The following CHD2 variants were observed in gnomAD, a reference collection of about 807,000 sequenced individuals.
CHD2 encodes chromodomain helicase DNA binding protein 2, also known as ATP-dependent chromatin remodeler CHD2.
A neutral mutation model predicts 243.9 loss-of-function variants in CHD2; 28 were observed. The observed-to-expected ratio is 0.11, with a 90% CI of 0.09 to 0.16. The LOEUF is 0.16. Ranked by LOEUF, CHD2 falls within the 10% of genes least tolerant of loss-of-function variation. CHD2 has a pLI of 1.00. For synonymous variants in CHD2, 775 were observed against 779.0 expected, an observed-to-expected ratio of 0.99 and a Z score of 0.09; for missense variants, 1,386 against 2,209.8, an observed-to-expected ratio of 0.63 and a Z score of 7.47.
At chr15:92,929,963 A>T (rs1281922255) in intron 5 of CHD2, among the ~76,000 whole-genome samples, 6 of 152,234 alleles carry the variant, frequency 3.9e-5, no homozygotes, top group Admixed American at 3.9e-4. Flanking sequence ...GATTATTAGA[A>T]ACTATGCTAA....
At chr15:92,968,850 T>G (rs898344739) in intron 17 of CHD2, among the ~76,000 whole-genome samples, 10 of 152,224 alleles carry the variant, frequency 6.6e-5, no homozygotes, top group Non-Finnish European at 5.9e-5. Flanking sequence ...CATTTTTAGC[T>G]AGTGGGAACT....
At chr15:92,993,473 T>C (rs2054147338) in intron 28 of CHD2, among the ~76,000 whole-genome samples, 2 of 152,264 alleles carry the variant, frequency 1.3e-5, no homozygotes, top group Non-Finnish European at 2.9e-5. Flanking sequence ...GAGATTTTCA[T>C]GCCACTAGAA....
At chr15:92,904,352 A>G in intron 2 of CHD2, 2 of 742,806 alleles carry the variant, frequency 2.7e-6, no homozygotes, top group Non-Finnish European at 3.3e-6. Context: ...AGCAGGGTCA[A>G]CGGCGGCGCC....
rs367550855 is a variant in CHD2 at position 92,939,622 on chromosome 15, G to A, written c.596G>A (p.Arg199His). 50 of 1,614,052 alleles carry A rather than the reference G, an allele frequency of 3.1e-5. No individual in the cohort carries two copies. Among genetic ancestry groups the A allele is most frequent in the East Asian group, 2.0e-4 (9 of 44,900 alleles). The change falls in exon 7 of 39, where the codon CGT becomes CAT. Residue 199 changes from arginine to histidine, a missense_variant. Arg to His is a conservative substitution (Grantham distance 29). This residue lies in a region of CHD2 where 90 missense variants were observed against 78.0 expected (regional missense o/e 1.15). Transcript: ENST00000394196. Reference sequence around the variant, plus strand: ...GTTAAAAAGCAGCCGAAGACTCAGCGTGGAAAGAGAAAAAAGCAAGATTCT... The same window carrying A: ...GTTAAAAAGCAGCCGAAGACTCAGCATGGAAAGAGAAAAAAGCAAGATTCT... The part of the protein sequence containing the change: ...PRVKKQPKTQ[R>H]GKRKKQDSSD...
intron 31 of CHD2, among the ~76,000 whole-genome samples, 191 bp from the exon 32 acceptor site, chr15:93,000,321 A>G (rs1026976500): frequency 2.0e-5 from 3 of 152,060 alleles, no homozygotes; most frequent in Admixed American, 6.6e-5. Flanking sequence ...GGCCATGTAT[A>G]AGGCCTATAG....
At chr15:92,901,085 T>C in intron 1 of CHD2, 82 bp from the exon 2 acceptor site, 1 of 668,386 alleles carries the variant, frequency 1.5e-6, no homozygotes, top group Non-Finnish European at 2.7e-6. Flanking sequence ...AACAATATCG[T>C]TAACATCGTC....
chr15:92,990,294 T>C (rs1053973736), intron 26 of CHD2, among the ~76,000 whole-genome samples: 21 of 152,228 alleles, frequency 1.4e-4, no homozygotes, highest in Non-Finnish European at 2.9e-5. Flanking sequence ...TTGAAGGCTG[T>C]CATGCAGCTG....
chr15:92,967,204 T>G, intron 16 of CHD2, 121 bp from the exon 17 acceptor site: 1 of 670,398 alleles, frequency 1.5e-6, no homozygotes, highest in Non-Finnish European at 2.4e-6. Flanking sequence ...CCCTTCTATT[T>G]AAGAGCTCTA....
intron 16 of CHD2, among the ~76,000 whole-genome samples, chr15:92,966,363 C>T (rs2053763576): frequency 6.6e-6 from 1 of 152,082 alleles, no homozygotes; most frequent in Non-Finnish European, 1.5e-5. Context: ...TTCGCCCAGC[C>T]AGAGATAGTT....
At chr15:92,927,952 G>A (rs2053094517) in intron 4 of CHD2, among the ~76,000 whole-genome samples, 1 of 152,046 alleles carries the variant, frequency 6.6e-6, no homozygotes, top group Non-Finnish European at 1.5e-5. Context: ...TTCTCATTTT[G>A]TGTGATATTT....
Position 93,025,049 on chromosome 15 carries a change from TTTC to T in CHD2, c.*347_*349del. 4.0e-6 allele frequency: 1 copy of T among 251,268 alleles called. No individual in the cohort carries two copies. Among genetic ancestry groups the T allele is most frequent in the Non-Finnish European group, 7.6e-6 (1 of 131,454 alleles). 15.6% of individuals were successfully genotyped at this position (251,268 alleles called of 1,614,324 possible). A position where few individuals can be genotyped will look rare whatever the true frequency, so the allele number is the denominator to read the frequency against. ...AGGGGATCTTCAGAGTCATGAATGT[TTTC>T]TTGCCAGGGTCAGTGTTCCCAGGAC... On this transcript the variant is annotated 3_prime_UTR_variant, in exon 39 of 39. Transcript: ENST00000394196.
chr15:92,958,121 T>G (rs1008512233), intron 16 of CHD2, among the ~76,000 whole-genome samples: 2 of 152,232 alleles, frequency 1.3e-5, no homozygotes, highest in African/African-American at 4.8e-5. Context: ...GCTTAGAGAC[T>G]TAGGAATAGA....
At chr15:92,952,107 A>C (rs1193545501) in intron 13 of CHD2, among the ~76,000 whole-genome samples, 3 of 152,264 alleles carry the variant, frequency 2.0e-5, no homozygotes, top group Middle Eastern at 3.4e-3. Context: ...TTCCTGCCAA[A>C]ATGACTGTAT....
chr15:92,947,991 A>G (rs898236968), intron 12 of CHD2, among the ~76,000 whole-genome samples: 2 of 152,212 alleles, frequency 1.3e-5, no homozygotes, highest in Non-Finnish European at 2.9e-5. Context: ...AATTCACGCT[A>G]TGGACACACA....
chr15:92,937,504 G>C lies in CHD2; in HGVS notation c.444-14G>C, dbSNP rs886395076. 1 of 1,571,570 alleles carries C rather than the reference G, an allele frequency of 6.4e-7. No individual in the cohort carries two copies. Among genetic ancestry groups the C allele is most frequent in the Non-Finnish European group, 8.6e-7 (1 of 1,159,158 alleles). ...TTTTAGAAAAAAATTACTTTGTTTT[G>C]CTTTTGATCACAGAGAAAAATGGAA... On this transcript the variant is annotated splice_polypyrimidine_tract_variant and intron_variant, in intron 5 of 38. Coordinates refer to ENST00000394196, the MANE Select transcript of CHD2 (RefSeq NM_001271.4).
At chr15:92,966,866 T>C (rs10152723) in intron 16 of CHD2, among the ~76,000 whole-genome samples, 117,030 of 150,630 alleles carry the variant, frequency 0.78, 46,661 homozygotes, top group East Asian at 1. Flanking sequence ...GCTGAGATTG[T>C]GCCACTGCAT....
At chr15:93,021,551 A>T (rs1365680289) in intron 38 of CHD2, 1 of 152,196 alleles carries the variant, frequency 6.6e-6, no homozygotes, top group Admixed American at 6.6e-5. Flanking sequence ...GTTGACTTTT[A>T]AAAAATTATG....
intron 33 of CHD2, among the ~76,000 whole-genome samples, chr15:93,003,246 C>T (rs1407420968): frequency 1.4e-5 from 2 of 147,810 alleles, no homozygotes; most frequent in Non-Finnish European, 3.0e-5. Context: ...GGTTGTGTCA[C>T]ACTTCACTCC....
intron 2 of CHD2, among the ~76,000 whole-genome samples, chr15:92,911,073 CCAGT>C (rs2052725572): frequency 6.6e-6 from 1 of 152,148 alleles, no homozygotes; most frequent in Non-Finnish European, 1.5e-5. Context: ...GTATATGACA[CCAGT>C]CATTGACCTA....
Sources: gnomAD v4.1 joint callset for allele counts (sites outside exome capture counted in the v4.1 genomes callset) on GRCh38, gnomAD v4.1.1 for gene constraint, gnomAD v4.1.1 regional missense constraint, MANE v1.5 for transcripts, NCBI Gene and HGNC (gene_info 2026-07-23, HGNC 2026-07-21) for gene names.